ERMARD: variants seen among roughly 807,000 people sequenced by gnomAD.
ERMARD encodes ER membrane associated RNA degradation.
Under a neutral mutation model 83.9 loss-of-function variants are expected in ERMARD, and 71 were observed. The observed-to-expected ratio is 0.85, with a 90% CI of 0.70 to 1.03. The LOEUF is 1.03. Among genes scored for constraint, ERMARD ranks in the 50% least tolerant of loss-of-function variants. The pLI, the probability that ERMARD is intolerant of heterozygous loss-of-function variation, is 0.00. For missense variants in ERMARD, 838 were observed against 810.9 expected (o/e 1.03, Z -0.41); for synonymous variants, 284 against 298.6 (o/e 0.95, Z 0.50).
rs1020263334 is a variant in ERMARD, at chr6:169,769,641, T to G, written c.1161T>G (p.Thr387=). ...TACATGAATTTTCAAAAGAAACAAC[T>G]AATCAGTTGCTTGCATTTTCTCTTG... is the stretch of plus-strand genomic sequence containing the variant. The part of the protein sequence containing the change: ...INLHEFSKET[T]NQLLAFSLVL... The change falls in exon 12 of 18, where the codon ACT becomes ACG. Residue 387 remains threonine (T), a synonymous_variant. Transcript: ENST00000366773. 6.2e-7 allele frequency: 1 copy of G among 1,613,114 alleles called. No homozygotes were observed. The highest frequency in any genetic ancestry group is 1.3e-5 in the African/African-American group (1 of 75,056).
At chr6:169,780,647 G>A (rs1794099924) in intron 17 of ERMARD, among the ~76,000 whole-genome samples, 1 of 152,198 alleles carries the variant, frequency 6.6e-6, no homozygotes, top group African/African-American at 2.4e-5. Context: ...GGGAGGGCAC[G>A]CTGCCCACCA....
rs534206894 is a variant in ERMARD, at chr6:169,775,277, G to A, written c.1325G>A (p.Ser442Asn). 9 of 1,614,188 alleles carry A rather than the reference G, an allele frequency of 5.6e-6. No homozygotes were observed. In the African/African-American group the frequency reaches 1.2e-4, roughly 22 times the overall value. ...PVFQLKKQVL[S>N]CEESIRVWAL... ...TAAAACATTTCCTCCCAGGTGCTGAGCTGTGAGGAGAGCATCAGGGTTTGG... is the reference window on the plus strand; with the variant it reads ...TAAAACATTTCCTCCCAGGTGCTGAACTGTGAGGAGAGCATCAGGGTTTGG... The change falls in exon 14 of 18, where the codon AGC becomes AAC. Residue 442 changes from serine (S) to asparagine (N), a missense_variant. Physicochemically the swap from Ser to Asn is conservative, Grantham distance 46. Coordinates refer to ENST00000366773, the MANE Select transcript of ERMARD (RefSeq NM_018341.3).
chr6:169,760,408 T>G (rs528587525), intron 7 of ERMARD, among the ~76,000 whole-genome samples: 1 of 152,308 alleles, frequency 6.6e-6, no homozygotes, highest in African/African-American at 2.4e-5. Context: ...AGTTGGTCCA[T>G]CCTGAACTGT....
At chr6:169,778,991 G>A (rs902362900) in intron 16 of ERMARD, among the ~76,000 whole-genome samples, 191 bp from the exon 17 acceptor site, 2 of 152,270 alleles carry the variant, frequency 1.3e-5, no homozygotes, top group Non-Finnish European at 2.9e-5. Context: ...GGGAGCAAGG[G>A]CTATGCTGGG....
chr6:169,762,273 T>C (rs1378379691), intron 8 of ERMARD, among the ~76,000 whole-genome samples, 156 bp from the exon 9 acceptor site: 1 of 152,082 alleles, frequency 6.6e-6, no homozygotes, highest in Non-Finnish European at 1.5e-5. Context: ...TTTGTAGAGA[T>C]GGGGTTTCCC....
At chr6:169,780,370 GTGTC>G (rs1208978864) in intron 17 of ERMARD, among the ~76,000 whole-genome samples, 2 of 152,182 alleles carry the variant, frequency 1.3e-5, no homozygotes, top group Non-Finnish European at 2.9e-5. Context: ...TCTAGACAAA[GTGTC>G]TGTGGCTTTT....
chr6:169,779,049 C>CT, intron 16 of ERMARD, 133 bp from the exon 17 acceptor site: 1 of 832,962 alleles, frequency 1.2e-6, no homozygotes, highest in Non-Finnish European at 1.9e-6. Context: ...GCATTGGGCT[C>CT]TAAGGATTAG....
intron 2 of ERMARD, among the ~76,000 whole-genome samples, chr6:169,755,058 A>G (rs906832049): frequency 6.6e-6 from 1 of 152,116 alleles, no homozygotes; most frequent in African/African-American, 2.4e-5. Flanking sequence ...AACTTTTTGT[A>G]TTTTCTAAAT....
chr6:169,759,192 G>A, intron 6 of ERMARD, 127 bp downstream of exon 6: 1 of 836,146 alleles, frequency 1.2e-6, no homozygotes, highest in Non-Finnish European at 1.9e-6. Context: ...GGATTTTGAA[G>A]CTAAAATTGA....
At chr6:169,751,522 C>T (rs901607785), upstream of ERMARD, 9 of 1,610,874 alleles carry the variant, frequency 5.6e-6, no homozygotes, top group African/African-American at 1.3e-5. Context: ...ACGCCCTAGC[C>T]AGTCCCGCGA....
chr6:169,754,182 A>C (rs1317973967), intron 2 of ERMARD, 150 bp downstream of exon 2: 1 of 745,936 alleles, frequency 1.3e-6, no homozygotes, highest in Non-Finnish European at 2.0e-6. Flanking sequence ...ATCAATGTGA[A>C]AAGAGAGGGA....
At chr6:169,753,355 C>T (rs1162665394) in intron 1 of ERMARD, 1 of 154,274 alleles carries the variant, frequency 6.5e-6, no homozygotes, top group African/African-American at 2.4e-5. Context: ...TTCTTCAACA[C>T]CGTTTAGGTA....
rs1790820444 is a variant in ERMARD at position 169,756,416 on chromosome 6, T to C, written c.394T>C (p.Cys132Arg). The C allele has an allele frequency of 6.2e-7, 1 of 1,611,194 alleles. No homozygotes were observed. Among genetic ancestry groups the C allele is most frequent in the Non-Finnish European group, 8.5e-7 (1 of 1,178,828 alleles). The change falls in exon 4 of 18, where the codon TGT becomes CGT. Residue 132 changes from cysteine (C) to arginine (R), a missense_variant. Coordinates refer to ENST00000366773, the MANE Select transcript of ERMARD (RefSeq NM_018341.3). ...TCTTAGCTTAATGAAACTGACATCG[T>C]GTCTAGAACGAGCCTTGGGTGATGT... ...ISLSLMKLTS[C>R]LERALGDVFL...
chr6:169,756,548 T>C, intron 4 of ERMARD, 109 bp downstream of exon 4: 1 of 998,968 alleles, frequency 1.0e-6, no homozygotes, highest in Non-Finnish European at 1.5e-6. Flanking sequence ...TAAGATAAAA[T>C]CATTTAGTAT....
Position 169,779,245 on chromosome 6 carries a change from C to T in ERMARD, c.1803C>T (p.Asn601=). The T allele has an allele frequency of 6.2e-7, 1 of 1,614,258 alleles. No homozygotes were observed. The highest frequency in any genetic ancestry group is 8.5e-7 in the Non-Finnish European group (1 of 1,180,046). The change falls in exon 17 of 18, where the codon AAC becomes AAT. Residue 601 remains asparagine (N), a synonymous_variant. Coordinates refer to ENST00000366773, the MANE Select transcript of ERMARD (RefSeq NM_018341.3). Reference sequence around the variant, plus strand: ...TACTCATTGCGCTGGAGTTGGTCAACATTCATGCTGTTTGTGGGAAGAATG... The same window carrying T: ...TACTCATTGCGCTGGAGTTGGTCAATATTCATGCTGTTTGTGGGAAGAATG... ...ILLLIALELV[N]IHAVCGKNAH...
chr6:169,756,066 G>T (rs1460599021), intron 3 of ERMARD, among the ~76,000 whole-genome samples: 1 of 152,154 alleles, frequency 6.6e-6, no homozygotes, highest in Non-Finnish European at 1.5e-5. Context: ...ACATGATGGA[G>T]GTCAAAATGC....
intron 7 of ERMARD, among the ~76,000 whole-genome samples, 164 bp from the exon 8 acceptor site, chr6:169,760,478 G>A (rs1791406079): frequency 6.6e-6 from 1 of 152,112 alleles, no homozygotes; most frequent in South Asian, 2.1e-4. Flanking sequence ...TGCACCTCGG[G>A]CCCTTGGTCA....
intron 7 of ERMARD, 134 bp downstream of exon 7, chr6:169,760,108 TG>T (rs2128345504): frequency 6.8e-7 from 1 of 1,475,394 alleles, no homozygotes; most frequent in South Asian, 1.4e-5. Context: ...CTTTCAGAGT[TG>T]CTTGAAGAAC....
rs776366947 is a variant in ERMARD, at chr6:169,779,244, A to C, written c.1802A>C (p.Asn601Thr). 1.2e-5 allele frequency: 19 copies of C among 1,614,228 alleles called. No individual in the cohort carries two copies. The highest frequency in any genetic ancestry group is 4.5e-5 in the East Asian group (2 of 44,888). Reference protein sequence around the residue: ...ILLLIALELVNIHAVCGKNAH... With the variant: ...ILLLIALELVTIHAVCGKNAH... ...TTACTCATTGCGCTGGAGTTGGTCA[A>C]CATTCATGCTGTTTGTGGGAAGAAT... The change falls in exon 17 of 18, where the codon AAC becomes ACC. Residue 601 changes from asparagine to threonine, a missense_variant. By Grantham distance (65) the Asn-to-Thr change is moderately conservative (BLOSUM62 0). Coordinates refer to ENST00000366773, the MANE Select transcript of ERMARD (RefSeq NM_018341.3).
Sources: allele counts gnomAD v4.1 joint callset (sites outside exome capture counted in the v4.1 genomes callset), GRCh38; gene constraint gnomAD v4.1.1; transcripts MANE v1.5; gene names NCBI Gene and HGNC (gene_info 2026-07-23, HGNC 2026-07-21).